Variants in NCOR2 observed in about 807,000 individuals in gnomAD.
NCOR2 encodes nuclear receptor corepressor 2.
NCOR2 carries 81 observed loss-of-function variants against 262.9 expected under a neutral mutation model. That is an observed-to-expected ratio of 0.31 (90% CI 0.26 to 0.37). The LOEUF (loss-of-function observed/expected upper bound fraction) is 0.37. Ranked by LOEUF, NCOR2 falls within the 10% of genes least tolerant of loss-of-function variation. NCOR2 has a pLI of 1.00. For synonymous variants in NCOR2, 1,659 were observed against 1,559.3 expected (o/e 1.06, Z -1.51); for missense variants, 3,385 against 3,621.4 (o/e 0.93, Z 1.68).
intron 34 of NCOR2, 110 bp from the exon 37 acceptor site, chr12:124,340,861 A>G: frequency 9.1e-7 from 1 of 1,103,040 alleles, no homozygotes; most frequent in Non-Finnish European, 1.2e-6. Flanking sequence ...TGGAGCCAGC[A>G]GAGCTGGTGG....
At chr12:124,467,691 C>T (rs2046530431) in intron 4 of NCOR2, among the ~76,000 whole-genome samples, 1 of 130,928 alleles carries the variant, frequency 7.6e-6, no homozygotes, top group Admixed American at 7.5e-5. Flanking sequence ...CTCATGACCT[C>T]CATCATCCTT....
intron 7 of NCOR2, among the ~76,000 whole-genome samples, chr12:124,447,661 T>C (rs2045260889): frequency 6.6e-6 from 1 of 152,098 alleles, no homozygotes; most frequent in South Asian, 2.1e-4. Flanking sequence ...CATAGTACTT[T>C]AGATTCGCTG....
chr12:124,470,388 AC>A lies in NCOR2; in HGVS notation c.591+2563del, dbSNP rs1296962897. 2.6e-5 allele frequency among the ~76,000 whole-genome samples: 4 copies of A among 152,356 alleles called. No individual in the cohort carries two copies. In the East Asian group the frequency reaches 7.7e-4, roughly 29 times the overall value. ...ATGAGAACTGAAAACAGGTGTCCCA[AC>A]AAAAACTTCAACACAAATGTTCAAC... On this transcript the variant is annotated intron_variant, in intron 4 of 46. Coordinates refer to ENST00000405201, the Ensembl canonical transcript of NCOR2.
At chr12:124,344,202 C>A (rs183815585) in intron 32 of NCOR2, among the ~76,000 whole-genome samples, 8 of 152,314 alleles carry the variant, frequency 5.3e-5, no homozygotes, top group Admixed American at 1.3e-4. Flanking sequence ...AGGAATCCGG[C>A]TGAATGAGAG....
At position 124,457,181 on chromosome 12, in the gene NCOR2, G is replaced by A; in HGVS notation, c.706-19C>T. On this transcript the variant is annotated intron_variant, in intron 5 of 46. Coordinates refer to ENST00000405201, the Ensembl canonical transcript of NCOR2. The surrounding 1 kb of genome is among the most constrained non-coding windows in gnomAD (Gnocchi z 4.0). ...CCTTCTTCTGCAGGGTGATGGCGAA[G>A]AGGAGGAATTTTTTTAAAAAACAAA... 2 of 1,536,372 alleles carry A rather than the reference G, an allele frequency of 1.3e-6. No homozygotes were observed. The highest frequency in any genetic ancestry group is 1.7e-6 in the Non-Finnish European group (2 of 1,152,920).
chr12:124,479,779 G>A (rs1481220975), intron 3 of NCOR2, among the ~76,000 whole-genome samples: 1 of 152,256 alleles, frequency 6.6e-6, no homozygotes, highest in Non-Finnish European at 1.5e-5. Context: ...CACCCCACCA[G>A]GGAGACCAGA....
At chr12:124,387,685 C>G (rs568327359) in intron 16 of NCOR2, among the ~76,000 whole-genome samples, 67 of 152,358 alleles carry the variant, frequency 4.4e-4, no homozygotes, top group African/African-American at 1.4e-3. Context: ...GGCGTGGGAT[C>G]AAGTGGCACC....
chr12:124,520,559 G>A (rs909538786), intron 1 of NCOR2, among the ~76,000 whole-genome samples: 19 of 152,212 alleles, frequency 1.2e-4, no homozygotes, highest in Admixed American at 1.0e-3. Flanking sequence ...GTCTCTTCAC[G>A]GCCACTCGTT....
At chr12:124,344,575 C>T (rs1052354245) in intron 32 of NCOR2, 22 bp downstream of exon 34, 42 of 1,432,744 alleles carry the variant, frequency 2.9e-5, no homozygotes, top group Non-Finnish European at 3.8e-5. Flanking sequence ...ACCCCACTCA[C>T]GCCCATGCAC....
At chr12:124,496,365 G>A (rs2048381660), upstream of NCOR2, among the ~76,000 whole-genome samples, 1 of 151,974 alleles carries the variant, frequency 6.6e-6, no homozygotes, top group Non-Finnish European at 1.5e-5. The surrounding 1 kb of genome is among the most constrained non-coding windows in gnomAD (Gnocchi z 4.4). Context: ...CAGAAAAGGT[G>A]TGTCCATCAG....
intron 7 of NCOR2, 139 bp downstream of exon 9, chr12:124,449,676 C>T: frequency 1.0e-6 from 1 of 1,003,534 alleles, no homozygotes; most frequent in Non-Finnish European, 1.5e-6. Flanking sequence ...GTCTCCTGTC[C>T]CCTCCGGGAG....
intron 17 of NCOR2, among the ~76,000 whole-genome samples, chr12:124,382,044 T>C (rs2040449712): frequency 6.6e-6 from 1 of 152,132 alleles, no homozygotes; most frequent in Non-Finnish European, 1.5e-5. Flanking sequence ...CACTCCTTCC[T>C]TCTCTGGCCA....
intron 1 of NCOR2, among the ~76,000 whole-genome samples, chr12:124,493,782 C>T (rs551542369): frequency 4.6e-5 from 7 of 152,132 alleles, no homozygotes; most frequent in Admixed American, 1.3e-4. Flanking sequence ...GCCCCAGGCA[C>T]GCAGTAGGTG....
At chr12:124,543,105 AG>A (rs2051426769) in intron 1 of NCOR2, among the ~76,000 whole-genome samples, 1 of 152,188 alleles carries the variant, frequency 6.6e-6, no homozygotes, top group South Asian at 2.1e-4. Context: ...AGCTAGGGCA[AG>A]GGCCACCAGA....
chr12:124,361,833 T>TGAG (rs1555305712), intron 22 of NCOR2, among the ~76,000 whole-genome samples: 1 of 151,978 alleles, frequency 6.6e-6, no homozygotes, highest in Admixed American at 6.5e-5. Context: ...GGATTTCACA[T>TGAG]AAGATGGATT....
Position 124,378,276 on chromosome 12 carries a change from C to A in NCOR2, c.2128G>T (p.Val710Leu), listed in dbSNP as rs749225102. Residue 710 changes from valine (V) to leucine (L), a missense_variant, in exon 18 of 47, where the codon GTG becomes TTG. By Grantham distance (32) the Val-to-Leu change is conservative. Transcript: ENST00000405201. The surrounding 1 kb of genome is among the most constrained non-coding windows in gnomAD (Gnocchi z 4.2). ...ACCATCTCCTCCTCATTTCCGCTCACGCCCGACGCCTCCATCTCCTCATCC... is the reference window on the plus strand; with the variant it reads ...ACCATCTCCTCCTCATTTCCGCTCAAGCCCGACGCCTCCATCTCCTCATCC... 7.4e-5 allele frequency: 120 copies of A among 1,613,910 alleles called. No homozygotes were observed. The highest frequency in any genetic ancestry group is 9.1e-5 in the Non-Finnish European group (107 of 1,179,916).
chr12:124,451,394 T>A (rs2045524268), intron 6 of NCOR2, among the ~76,000 whole-genome samples: 1 of 152,194 alleles, frequency 6.6e-6, no homozygotes, highest in Non-Finnish European at 1.5e-5. Flanking sequence ...ACCGGGTAAC[T>A]GATACAATCA....
chr12:124,529,651 C>A, intron 1 of NCOR2: 1 of 152,260 alleles, frequency 6.6e-6, no homozygotes, highest in East Asian at 1.9e-4. Context: ...TTGGCAGACA[C>A]GAGATTATCT....
At chr12:124,342,361 C>CT (rs921342273) in intron 33 of NCOR2, among the ~76,000 whole-genome samples, 6 of 151,806 alleles carry the variant, frequency 4.0e-5, no homozygotes, top group African/African-American at 7.2e-5. Flanking sequence ...TTTTTTATTT[C>CT]TTTTTTTTTA....
Sources: gnomAD v4.1 joint callset for allele counts (sites outside exome capture counted in the v4.1 genomes callset) on GRCh38, gnomAD v4.1.1 for gene constraint, Gnocchi (gnomAD v3.1) non-coding constraint, MANE v1.5 for transcripts, NCBI Gene and HGNC (gene_info 2026-07-23, HGNC 2026-07-21) for gene names.